Variants in KHDRBS3 observed in about 807,000 individuals in gnomAD.
KHDRBS3 encodes the protein KH domain-containing, RNA-binding, signal transduction-associated protein 3.
A neutral mutation model predicts 45.6 loss-of-function variants in KHDRBS3; 23 were observed. The observed-to-expected ratio is 0.50, with a 90% CI of 0.36 to 0.72. The LOEUF (loss-of-function observed/expected upper bound fraction) is 0.72, where lower values mean the gene tolerates loss of function less well. KHDRBS3 is among the 30% of genes least tolerant of loss of function. KHDRBS3 has a pLI of 0.00. For synonymous variants in KHDRBS3, 162 were observed against 156.5 expected (o/e 1.04, Z -0.26); for missense variants, 352 against 424.8 (o/e 0.83, Z 1.51).
At chr8:135,561,411 C>A (rs1827159536) in intron 5 of KHDRBS3, among the ~76,000 whole-genome samples, 1 of 152,108 alleles carries the variant, frequency 6.6e-6, no homozygotes, top group South Asian at 2.1e-4. Context: ...GAGGTAGATT[C>A]TTTGCCGAAA....
chr8:135,592,346 C>T (rs374471504), intron 6 of KHDRBS3, among the ~76,000 whole-genome samples: 8 of 151,918 alleles, frequency 5.3e-5, no homozygotes, highest in African/African-American at 1.9e-4. Context: ...GCATGGAAAG[C>T]AAGTTGTGCT....
intron 7 of KHDRBS3, among the ~76,000 whole-genome samples, chr8:135,644,575 G>A (rs189982281): frequency 4.8e-4 from 73 of 152,328 alleles, no homozygotes; most frequent in Admixed American, 1.6e-3. Flanking sequence ...AGACGAGGGT[G>A]TAAGAAGAAA....
chr8:135,560,285 A>G (rs909268146), intron 5 of KHDRBS3, among the ~76,000 whole-genome samples: 4 of 152,126 alleles, frequency 2.6e-5, no homozygotes, highest in African/African-American at 9.7e-5. Flanking sequence ...ATATAACTTT[A>G]TACAAGTAAG....
intron 5 of KHDRBS3, among the ~76,000 whole-genome samples, chr8:135,571,933 A>G (rs1827722417): frequency 6.6e-6 from 1 of 152,242 alleles, no homozygotes; most frequent in African/African-American, 2.4e-5. Flanking sequence ...TTTTCAAGGA[A>G]TCAAACTGTG....
intron 1 of KHDRBS3, among the ~76,000 whole-genome samples, chr8:135,510,596 G>A (rs200273180): frequency 1.3e-5 from 2 of 152,198 alleles, no homozygotes; most frequent in African/African-American, 4.8e-5. Flanking sequence ...CACCATGCCC[G>A]GCTAATTTTT....
chr8:135,467,111 C>G (rs1416805362), intron 1 of KHDRBS3, among the ~76,000 whole-genome samples: 3 of 152,218 alleles, frequency 2.0e-5, no homozygotes, highest in Non-Finnish European at 4.4e-5. Context: ...ACATGTACAC[C>G]TACTGTGTAC....
chr8:135,493,845 A>G (rs1393130444), intron 1 of KHDRBS3, among the ~76,000 whole-genome samples: 2 of 152,168 alleles, frequency 1.3e-5, no homozygotes, highest in Admixed American at 6.6e-5. Flanking sequence ...TACAATTGTT[A>G]TCATTCTATC....
chr8:135,485,878 T>C (rs1822838850), intron 1 of KHDRBS3, among the ~76,000 whole-genome samples: 1 of 118,682 alleles, frequency 8.4e-6, no homozygotes, highest in African/African-American at 4.0e-5. Context: ...ATTTTATTTT[T>C]CTAGAGCCTC....
chr8:135,472,756 A>T (rs1323707738), intron 1 of KHDRBS3, among the ~76,000 whole-genome samples: 1 of 152,096 alleles, frequency 6.6e-6, no homozygotes, highest in Non-Finnish European at 1.5e-5. Flanking sequence ...AACGTTTTGT[A>T]TTATGTGAGT....
intron 2 of KHDRBS3, 54 bp from the exon 3 acceptor site, chr8:135,542,600 A>T: frequency 8.9e-7 from 1 of 1,125,460 alleles, no homozygotes; most frequent in Non-Finnish European, 1.4e-6. Flanking sequence ...ATTCAAGATT[A>T]AGAAATTGCT....
chr8:135,557,529 G>A lies in KHDRBS3; in HGVS notation c.553G>A (p.Val185Met), dbSNP rs781706129. The A allele has an allele frequency of 5.0e-6, 8 of 1,611,516 alleles. No homozygotes were observed. The highest frequency in any genetic ancestry group is 2.2e-5 in the South Asian group (2 of 91,048). ...NGGSENADVPVVRGKPTLRTR... is the reference protein window; with the variant it reads ...NGGSENADVPMVRGKPTLRTR... ...TGGTTCAGAAAATGCAGATGTTCCA[G>A]TGGTTCGAGGGAAACCCACCTTGCG... The change falls in exon 5 of 9, where the codon GTG becomes ATG. Residue 185 changes from valine to methionine, a missense_variant. Val to Met is a conservative substitution (Grantham distance 21). Transcript: ENST00000355849.
intron 4 of KHDRBS3, chr8:135,549,146 G>T: frequency 3.3e-6 from 1 of 300,242 alleles, no homozygotes; most frequent in Non-Finnish European, 6.1e-6. Flanking sequence ...TAAAAAACTT[G>T]CATAGCACAA....
intron 3 of KHDRBS3, among the ~76,000 whole-genome samples, chr8:135,543,967 G>A (rs537946394): frequency 6.6e-6 from 1 of 152,232 alleles, no homozygotes; most frequent in African/African-American, 2.4e-5. Flanking sequence ...GCATGGCCTG[G>A]TTTTTTTAAT....
intron 1 of KHDRBS3, among the ~76,000 whole-genome samples, chr8:135,483,321 T>G (rs1586585391): frequency 6.6e-6 from 1 of 152,254 alleles, no homozygotes; most frequent in African/African-American, 2.4e-5. Context: ...AGTTGCATTA[T>G]ACAGCACTGA....
At chr8:135,541,459 AAT>A (rs1248256374) in intron 2 of KHDRBS3, 1 of 152,266 alleles carries the variant, frequency 6.6e-6, no homozygotes, top group Non-Finnish European at 1.5e-5. Flanking sequence ...AAAGATTAAA[AAT>A]ATATATTTGA....
intron 7 of KHDRBS3, among the ~76,000 whole-genome samples, chr8:135,610,123 G>A (rs1299657784): frequency 2.0e-5 from 3 of 151,864 alleles, no homozygotes; most frequent in African/African-American, 7.3e-5. Context: ...CAAACTTAAA[G>A]CATTTGCCCT....
chr8:135,497,094 G>A (rs1488615530), intron 1 of KHDRBS3, among the ~76,000 whole-genome samples: 1 of 152,216 alleles, frequency 6.6e-6, no homozygotes, highest in Non-Finnish European at 1.5e-5. Context: ...CTCTGTCCTT[G>A]GAAGGAGTAA....
chr8:135,582,002 G>A lies in KHDRBS3; in HGVS notation c.736G>A (p.Ala246Thr). The A allele has an allele frequency of 1.2e-6, 2 of 1,612,874 alleles. No individual in the cohort carries two copies. The part of the protein sequence containing the change: ...SRGRGLLTPR[A>T]RGVPPTGYRP... Reference sequence around the variant, plus strand: ...GGGAAGAGGACTTCTCACTCCCAGAGCAAGAGGAGTCCCCCCAACTGGGTA... The same window carrying A: ...GGGAAGAGGACTTCTCACTCCCAGAACAAGAGGAGTCCCCCCAACTGGGTA... The change falls in exon 6 of 9, where the codon GCA (alanine) becomes ACA (threonine). Residue 246 changes from alanine to threonine, a missense_variant. Transcript: ENST00000355849.
chr8:135,569,107 A>C (rs1827569677), intron 5 of KHDRBS3, among the ~76,000 whole-genome samples: 1 of 152,218 alleles, frequency 6.6e-6, no homozygotes, highest in Admixed American at 6.5e-5. Context: ...TAGTTTAAAA[A>C]AAAGCAATAA....
Sources: gnomAD v4.1 joint callset for allele counts (sites outside exome capture counted in the v4.1 genomes callset) on GRCh38, gnomAD v4.1.1 for gene constraint, MANE v1.5 for transcripts, NCBI Gene and HGNC (gene_info 2026-07-23, HGNC 2026-07-21) for gene names.